The following SLC26A8 variants were observed in gnomAD, a reference collection of about 807,000 sequenced individuals.
SLC26A8 encodes the protein solute carrier family 26 member 8, also known as testis anion transporter 1.
In SLC26A8, 70 loss-of-function variants were observed where a neutral mutation model predicts 105.0. The observed-to-expected ratio is 0.67, with a 90% CI of 0.55 to 0.81. The LOEUF (loss-of-function observed/expected upper bound fraction) is 0.81, where lower values mean the gene tolerates loss of function less well. Among genes scored for constraint, SLC26A8 ranks in the 40% least tolerant of loss-of-function variants. The pLI is 0.00. For missense variants in SLC26A8, 998 were observed against 1,181.8 expected, an observed-to-expected ratio of 0.84 and a Z score of 2.28; for synonymous variants, 415 against 438.3, an observed-to-expected ratio of 0.95 and a Z score of 0.66.
rs1761879919 is a variant in SLC26A8, at chr6:36,012,232, C to T, written c.328+1G>A. Reference sequence around the variant, plus strand: ...ATGAACAGGCTTCATATCTTCCTTACCTTGGGGAACTTGCACAAGGCCAAC... The same window carrying T: ...ATGAACAGGCTTCATATCTTCCTTATCTTGGGGAACTTGCACAAGGCCAAC... On this transcript the variant is annotated splice_donor_variant, in intron 3 of 19. Coordinates refer to ENST00000490799, the MANE Select transcript of SLC26A8 (RefSeq NM_052961.4). LOFTEE classifies it high-confidence loss of function. 2 of 1,611,236 alleles carry T rather than the reference C, an allele frequency of 1.2e-6. No individual in the cohort carries two copies. Among genetic ancestry groups the T allele is most frequent in the African/African-American group, 2.7e-5 (2 of 74,726 alleles).
chr6:35,958,594 G>C (rs1772186906), intron 16 of SLC26A8, among the ~76,000 whole-genome samples: 1 of 152,170 alleles, frequency 6.6e-6, no homozygotes, highest in Non-Finnish European at 1.5e-5. Context: ...TTCGAGACTA[G>C]CCTGGCCAAC....
chr6:35,956,260 G>A lies in SLC26A8; in HGVS notation c.1864-740C>T, dbSNP rs939642491. The stretch of plus-strand genomic sequence containing the variant: ...AGCCTGGGTGACACAGTGAGACCCT[G>A]TCGTGCCCCCCTGCCCCCTCCCCAA... On this transcript the variant is annotated intron_variant, in intron 16 of 19. Coordinates refer to ENST00000490799, the MANE Select transcript of SLC26A8 (RefSeq NM_052961.4). 2.0e-5 allele frequency among the ~76,000 whole-genome samples: 3 copies of A among 151,236 alleles called. No homozygotes were observed. In the East Asian group the frequency reaches 5.9e-4, roughly 30 times the overall value.
intron 3 of SLC26A8, among the ~76,000 whole-genome samples, chr6:36,001,303 T>C (rs565746674): frequency 6.1e-4 from 93 of 152,208 alleles, no homozygotes; most frequent in African/African-American, 1.9e-3. Context: ...TAATTTTTTA[T>C]ATTTTTAGTA....
intron 10 of SLC26A8, among the ~76,000 whole-genome samples, chr6:35,975,122 T>C (rs1772952222): frequency 6.6e-6 from 1 of 152,124 alleles, no homozygotes; most frequent in African/African-American, 2.4e-5. Context: ...TGTGGGCTAA[T>C]ATACGGAAAC....
chr6:35,949,446 T>A (rs555265409), intron 19 of SLC26A8, among the ~76,000 whole-genome samples: 169 of 151,326 alleles, frequency 1.1e-3, no homozygotes, highest in African/African-American at 3.6e-3. Flanking sequence ...AAAAAAAAAA[T>A]AAAGATTACC....
Position 35,992,615 on chromosome 6 carries a change from C to CGT in SLC26A8, c.686_687insAC (p.Met229IlefsTer18). ...GTGCCACAGCAGCCAGGTAAGCACT[C>CGT]ATTGCAGACTCCGGAAGGTAAGTGG... On this transcript the variant is annotated frameshift_variant, in exon 6 of 20. Coordinates refer to ENST00000490799, the MANE Select transcript of SLC26A8 (RefSeq NM_052961.4). LOFTEE classifies it high-confidence loss of function. The CGT allele has an allele frequency of 6.2e-7, 1 of 1,614,036 alleles. No individual in the cohort carries two copies. The highest frequency in any genetic ancestry group is 8.5e-7 in the Non-Finnish European group (1 of 1,179,970).
At chr6:35,997,943 A>G in intron 4 of SLC26A8, 24 bp from the exon 5 acceptor site, 1 of 1,607,494 alleles carries the variant, frequency 6.2e-7, no homozygotes, top group Non-Finnish European at 8.5e-7. Context: ...TGTTAGGTAG[A>G]AGGTGAAGTT....
At chr6:35,968,346 T>C (rs1167702851) in intron 11 of SLC26A8, among the ~76,000 whole-genome samples, 2 of 150,180 alleles carry the variant, frequency 1.3e-5, no homozygotes, top group African/African-American at 4.9e-5. Context: ...GGTTTCTCCA[T>C]GTTGGCCAGG....
At chr6:35,947,659 G>A (rs1359666630) in intron 19 of SLC26A8, among the ~76,000 whole-genome samples, 4 of 152,138 alleles carry the variant, frequency 2.6e-5, no homozygotes, top group Admixed American at 2.6e-4. Context: ...GGCCAGGTGT[G>A]GTGGCTCATG....
intron 15 of SLC26A8, 60 bp downstream of exon 15, chr6:35,959,652 GGA>G (rs1772232925): frequency 8.7e-6 from 14 of 1,607,632 alleles, no homozygotes; most frequent in Middle Eastern, 1.6e-4. Flanking sequence ...TGAAAGAGTG[GGA>G]GAGAGATGCC....
intron 14 of SLC26A8, 188 bp from the exon 15 acceptor site, chr6:35,959,994 C>T (rs189776084): frequency 6.5e-5 from 29 of 449,474 alleles, no homozygotes; most frequent in Non-Finnish European, 1.1e-4. Context: ...CTGCAACCTC[C>T]GCCTCTCGGG....
At chr6:35,995,343 T>C (rs578201543) in intron 5 of SLC26A8, among the ~76,000 whole-genome samples, 52 of 152,328 alleles carry the variant, frequency 3.4e-4, no homozygotes, top group Non-Finnish European at 5.9e-4. Flanking sequence ...CTATCTGCCA[T>C]TCTTATAGGA....
intron 3 of SLC26A8, among the ~76,000 whole-genome samples, chr6:36,000,914 ACTC>A (rs1761502081): frequency 6.6e-6 from 1 of 151,832 alleles, no homozygotes; most frequent in Admixed American, 6.6e-5. Context: ...CTATGCTTCT[ACTC>A]CTCTCTCACC....
intron 1 of SLC26A8, among the ~76,000 whole-genome samples, chr6:36,020,806 A>T (rs1762110877): frequency 1.3e-5 from 2 of 152,220 alleles, no homozygotes; most frequent in South Asian, 4.1e-4. Context: ...ATATGTATAA[A>T]CCACATACCT....
chr6:35,976,634 G>A (rs1258734383), intron 9 of SLC26A8, among the ~76,000 whole-genome samples: 1 of 144,794 alleles, frequency 6.9e-6, no homozygotes, highest in Admixed American at 7.1e-5. Context: ...TCCGCCTCCC[G>A]GGTTCACGCC....
rs754099409 is a variant in SLC26A8 at position 35,955,357 on chromosome 6, T to C, written c.2027A>G (p.Gln676Arg). 5.0e-6 allele frequency: 8 copies of C among 1,614,262 alleles called. No homozygotes were observed. The highest frequency in any genetic ancestry group is 1.6e-4 in the Middle Eastern group (1 of 6,062). Residue 676 changes from glutamine to arginine, a missense_variant, in exon 17 of 20, where the codon CAG becomes CGG. By Grantham distance (43) the Gln-to-Arg change is conservative. Transcript: ENST00000490799. ...SSVSQKNQGQQYEEVEEVWLP... is the reference protein window; with the variant it reads ...SSVSQKNQGQRYEEVEEVWLP... Reference sequence around the variant, plus strand: ...CCAAACTTCCTCCACCTCCTCATACTGTTGCCCTTGATTTTTCTGAGACAC... The same window carrying C: ...CCAAACTTCCTCCACCTCCTCATACCGTTGCCCTTGATTTTTCTGAGACAC...
intron 1 of SLC26A8, among the ~76,000 whole-genome samples, chr6:36,020,812 T>A (rs1762111175): frequency 6.6e-6 from 1 of 152,178 alleles, no homozygotes; most frequent in Non-Finnish European, 1.5e-5. Flanking sequence ...ATAAACCACA[T>A]ACCTATAAAA....
intron 2 of SLC26A8, among the ~76,000 whole-genome samples, chr6:36,018,733 T>A (rs12206103): frequency 6.6e-6 from 1 of 152,092 alleles, no homozygotes; most frequent in African/African-American, 2.4e-5. Context: ...TTTATCAGAC[T>A]GCTAGAAGGT....
rs1296353189 is a variant in SLC26A8, at chr6:35,981,109, A to G, written c.1025+1012T>C. On this transcript the variant is annotated intron_variant, in intron 8 of 19. Coordinates refer to ENST00000490799, the MANE Select transcript of SLC26A8 (RefSeq NM_052961.4). This position sits in a 1 kb window ranked among gnomAD's most constrained non-coding sequence, Gnocchi z 4.0. ...TATTATACAACGTGAGGAAATGGGC[A>G]ATGCTCTTCAAAAGCCTCTCTGTGA... is the stretch of plus-strand genomic sequence containing the variant. 3.9e-5 allele frequency among the ~76,000 whole-genome samples: 6 copies of G among 152,200 alleles called. No homozygotes were observed. Among genetic ancestry groups the G allele is most frequent in the Non-Finnish European group, 8.8e-5 (6 of 68,036 alleles).
Sources: gnomAD v4.1 joint callset for allele counts (sites outside exome capture counted in the v4.1 genomes callset) on GRCh38, gnomAD v4.1.1 for gene constraint, Gnocchi (gnomAD v3.1) non-coding constraint, MANE v1.5 for transcripts, NCBI Gene and HGNC (gene_info 2026-07-23, HGNC 2026-07-21) for gene names.